Variants in ARHGAP26 observed in about 807,000 individuals in gnomAD.
ARHGAP26 encodes the protein Rho GTPase activating protein 26.
ARHGAP26 carries 38 observed loss-of-function variants against 104.8 expected under a neutral mutation model. The ratio of observed to expected loss-of-function variants is 0.36; its 90% CI spans 0.28 to 0.48. The LOEUF is 0.48. Ranked by LOEUF, ARHGAP26 falls within the 20% of genes least tolerant of loss-of-function variation. The pLI is 0.99. For synonymous variants in ARHGAP26, 341 were observed against 340.0 expected, an observed-to-expected ratio of 1.00 and a Z score of -0.03; for missense variants, 704 against 947.9, an observed-to-expected ratio of 0.74 and a Z score of 3.38.
chr5:142,809,131 T>G (rs1354284777), intron 1 of ARHGAP26, among the ~76,000 whole-genome samples: 1 of 152,246 alleles, frequency 6.6e-6, no homozygotes, highest in Non-Finnish European at 1.5e-5. Flanking sequence ...AATTTTATAC[T>G]GTAGAAATGT....
chr5:143,154,697 C>T (rs757064373), intron 20 of ARHGAP26, among the ~76,000 whole-genome samples: 9 of 152,254 alleles, frequency 5.9e-5, no homozygotes, highest in Non-Finnish European at 7.4e-5. Context: ...AAAGCAAGAC[C>T]AGCTAGGGTA....
chr5:142,920,048 C>T (rs150988193), intron 10 of ARHGAP26, among the ~76,000 whole-genome samples: 4 of 152,286 alleles, frequency 2.6e-5, no homozygotes, highest in African/African-American at 9.6e-5. Context: ...AATGAAGCAG[C>T]ATTCTTGGGT....
chr5:143,148,299 C>A (rs190300805), intron 20 of ARHGAP26, among the ~76,000 whole-genome samples: 2 of 152,284 alleles, frequency 1.3e-5, no homozygotes, highest in Non-Finnish European at 2.9e-5. Flanking sequence ...GTAACCTTTT[C>A]CTGCTCCTCC....
At chr5:142,956,854 G>A (rs552274609) in intron 11 of ARHGAP26, among the ~76,000 whole-genome samples, 3 of 152,210 alleles carry the variant, frequency 2.0e-5, no homozygotes, top group East Asian at 1.9e-4. Flanking sequence ...GGAAGCAAAC[G>A]CAGAAACCCC....
chr5:142,980,699 T>C (rs969380959), intron 11 of ARHGAP26, among the ~76,000 whole-genome samples: 7 of 152,178 alleles, frequency 4.6e-5, no homozygotes, highest in Admixed American at 1.3e-4. Flanking sequence ...TGGAATGTTC[T>C]TCTACAGGTG....
intron 1 of ARHGAP26, among the ~76,000 whole-genome samples, chr5:142,780,183 G>C (rs1561827338): frequency 6.6e-6 from 1 of 152,184 alleles, no homozygotes; most frequent in Non-Finnish European, 1.5e-5. Flanking sequence ...TACATAGAGA[G>C]CTCACTCATT....
chr5:143,142,940 T>C (rs1259778838), intron 19 of ARHGAP26, among the ~76,000 whole-genome samples: 1 of 152,160 alleles, frequency 6.6e-6, no homozygotes, highest in Non-Finnish European at 1.5e-5. Context: ...CCTATTTTTT[T>C]TAATATAAAT....
rs564394030 is a variant in ARHGAP26 at position 142,955,776 on chromosome 5, C to T, written c.1107+23651C>T. Among the ~76,000 whole-genome samples, 6 of 152,340 alleles carry T rather than the reference C, an allele frequency of 3.9e-5. No individual in the cohort carries two copies. The South Asian group carries it at 1.2e-3, about 32-fold the overall frequency. ...AATGGAAATAGACAAATGATCGGTT[C>T]CAGATGTTAGTCTTGTTGTGGCCTC... On this transcript the variant is annotated intron_variant, in intron 11 of 22. Transcript: ENST00000645722.
intron 12 of ARHGAP26, 86 bp downstream of exon 12, chr5:143,014,202 C>A: frequency 1.3e-6 from 2 of 1,485,362 alleles, no homozygotes; most frequent in Middle Eastern, 1.7e-4. Context: ...AACCACCAGG[C>A]GGTGCTGTGG....
At chr5:142,987,947 C>G (rs1422054638) in intron 11 of ARHGAP26, among the ~76,000 whole-genome samples, 1 of 152,082 alleles carries the variant, frequency 6.6e-6, no homozygotes, top group Non-Finnish European at 1.5e-5. Flanking sequence ...GGATATTGGC[C>G]TAAAATACTT....
intron 4 of ARHGAP26, 112 bp downstream of exon 4, chr5:142,879,557 C>T: frequency 1.0e-6 from 1 of 987,070 alleles, no homozygotes; most frequent in Middle Eastern, 2.2e-4. Context: ...CGAAGCCCAC[C>T]TTCTTCAGAA....
intron 1 of ARHGAP26, among the ~76,000 whole-genome samples, chr5:142,813,872 C>T (rs1764607043): frequency 6.6e-6 from 1 of 152,208 alleles, no homozygotes; most frequent in African/African-American, 2.4e-5. Context: ...TTCAGGAATG[C>T]AGTTCCAAAA....
intron 11 of ARHGAP26, among the ~76,000 whole-genome samples, chr5:142,961,403 G>A (rs773964520): frequency 1.3e-5 from 2 of 152,104 alleles, no homozygotes; most frequent in Non-Finnish European, 2.9e-5. Context: ...GAGGTGGGAG[G>A]ATTGATCGAG....
At chr5:143,111,156 A>G (rs1040150448) in intron 17 of ARHGAP26, among the ~76,000 whole-genome samples, 1 of 152,256 alleles carries the variant, frequency 6.6e-6, no homozygotes, top group Non-Finnish European at 1.5e-5. Flanking sequence ...GTGGACATAG[A>G]TGACCCTAAT....
At chr5:143,165,748 G>A (rs1801844617) in intron 20 of ARHGAP26, among the ~76,000 whole-genome samples, 1 of 152,080 alleles carries the variant, frequency 6.6e-6, no homozygotes, top group Middle Eastern at 3.2e-3. Context: ...CCCAGTGTCT[G>A]TCATTTCTAT....
chr5:142,998,126 C>G (rs1053444865), intron 11 of ARHGAP26, among the ~76,000 whole-genome samples: 2 of 152,180 alleles, frequency 1.3e-5, no homozygotes, highest in African/African-American at 4.8e-5. Flanking sequence ...TAAAATGTAA[C>G]TCCTGCAAAT....
chr5:143,117,800 G>C (rs1022307228), intron 17 of ARHGAP26, among the ~76,000 whole-genome samples: 5 of 152,222 alleles, frequency 3.3e-5, no homozygotes, highest in Non-Finnish European at 4.4e-5. Flanking sequence ...GGTTGGGATA[G>C]TTGAGATACA....
At chr5:142,782,784 G>C (rs1757786011) in intron 1 of ARHGAP26, among the ~76,000 whole-genome samples, 1 of 152,208 alleles carries the variant, frequency 6.6e-6, no homozygotes, top group African/African-American at 2.4e-5. Context: ...GTGAGGAGCA[G>C]CTGAGATAAT....
intron 11 of ARHGAP26, among the ~76,000 whole-genome samples, chr5:142,984,921 T>C (rs896723853): frequency 1.0e-4 from 15 of 144,882 alleles, no homozygotes; most frequent in African/African-American, 3.5e-4. Context: ...CTTCTACTTA[T>C]TAAAAAAAAA....
Sources: gnomAD v4.1 joint callset for allele counts (sites outside exome capture counted in the v4.1 genomes callset) on GRCh38, gnomAD v4.1.1 for gene constraint, MANE v1.5 for transcripts, NCBI Gene and HGNC (gene_info 2026-07-23, HGNC 2026-07-21) for gene names.